SORCS1: variants seen among roughly 807,000 people sequenced by gnomAD.
SORCS1 encodes the protein sortilin related VPS10 domain containing receptor 1.
A neutral mutation model predicts 146.1 loss-of-function variants in SORCS1; 60 were observed. The observed-to-expected ratio is 0.41, with a 90% CI of 0.33 to 0.51. The LOEUF (loss-of-function observed/expected upper bound fraction) is 0.51, where lower values mean the gene tolerates loss of function less well. Among genes scored for constraint, SORCS1 ranks in the 20% least tolerant of loss-of-function variants. The probability of loss-of-function intolerance (pLI) is 0.21; values close to 1 mark genes in which losing one functional copy is unlikely to be tolerated. For synonymous variants in SORCS1, 637 were observed against 584.0 expected (o/e 1.09, Z -1.31); for missense variants, 1,352 against 1,487.6 (o/e 0.91, Z 1.50).
chr10:106,698,223 G>A (rs1029551786), intron 9 of SORCS1, among the ~76,000 whole-genome samples: 3 of 152,180 alleles, frequency 2.0e-5, no homozygotes, highest in Non-Finnish European at 4.4e-5. Context: ...TACAATGATA[G>A]GTTAAAATTT....
intron 18 of SORCS1, among the ~76,000 whole-genome samples, chr10:106,648,900 A>G (rs1849651572): frequency 6.6e-6 from 1 of 151,964 alleles, no homozygotes; most frequent in Admixed American, 6.6e-5. Flanking sequence ...TAGCAAGCAG[A>G]CACACAGGCA....
intron 1 of SORCS1, among the ~76,000 whole-genome samples, chr10:107,069,718 C>G (rs6584789): frequency 0.14 from 21,220 of 152,088 alleles, 1,749 homozygotes; most frequent in South Asian, 0.18. Context: ...TAGATAAATT[C>G]GTTTTTGTTT....
chr10:107,059,536 A>T (rs1451724756), intron 1 of SORCS1, among the ~76,000 whole-genome samples: 1 of 152,210 alleles, frequency 6.6e-6, no homozygotes, highest in Non-Finnish European at 1.5e-5. Context: ...CCAGTAAAAC[A>T]AGAAGCCCAG....
rs545561957 is a variant in SORCS1 at position 106,941,625 on chromosome 10, A to G, written c.626+14888T>C. Among the ~76,000 whole-genome samples, 23 of 152,374 alleles carry G rather than the reference A, an allele frequency of 1.5e-4. No homozygotes were observed. In the South Asian group the frequency reaches 4.3e-3, roughly 29 times the overall value. On this transcript the variant is annotated intron_variant, in intron 2 of 25. Coordinates refer to ENST00000263054, the MANE Select transcript of SORCS1 (RefSeq NM_052918.5). ...TAAGTGAAATGAACAATACCAAGGA[A>G]TGTGGCTCCCAGTAGGAGAGGGATT...
At chr10:106,726,649 C>T (rs1209762413) in intron 6 of SORCS1, among the ~76,000 whole-genome samples, 1 of 152,116 alleles carries the variant, frequency 6.6e-6, no homozygotes, top group Non-Finnish European at 1.5e-5. Context: ...GCTACCAATT[C>T]CATCCAGAGC....
intron 5 of SORCS1, among the ~76,000 whole-genome samples, chr10:106,734,965 G>A (rs1279322581): frequency 6.6e-6 from 1 of 151,938 alleles, no homozygotes; most frequent in Non-Finnish European, 1.5e-5. Context: ...GGCCAACATG[G>A]CAAAACCCCG....
At chr10:106,878,316 G>A (rs1005015403) in intron 2 of SORCS1, among the ~76,000 whole-genome samples, 2 of 151,662 alleles carry the variant, frequency 1.3e-5, no homozygotes, top group Admixed American at 6.6e-5. Context: ...AGGGGGCCTG[G>A]GAATATGCTA....
At chr10:106,800,618 T>A (rs1226322416) in intron 3 of SORCS1, among the ~76,000 whole-genome samples, 1 of 150,468 alleles carries the variant, frequency 6.6e-6, no homozygotes, top group Non-Finnish European at 1.5e-5. Flanking sequence ...ACCTCCCGGG[T>A]TCATGCCATT....
At chr10:106,922,814 C>T (rs1952778886) in intron 2 of SORCS1, among the ~76,000 whole-genome samples, 1 of 152,074 alleles carries the variant, frequency 6.6e-6, no homozygotes. Context: ...AGAATAGTTT[C>T]GCTACCCTGG....
intron 2 of SORCS1, among the ~76,000 whole-genome samples, chr10:106,862,567 G>A (rs943883778): frequency 2.0e-5 from 3 of 151,630 alleles, no homozygotes; most frequent in Non-Finnish European, 4.4e-5. Context: ...TTTCACCCCC[G>A]ACCCAACACA....
intron 6 of SORCS1, among the ~76,000 whole-genome samples, chr10:106,728,729 G>A (rs1406561336): frequency 6.6e-6 from 1 of 152,214 alleles, no homozygotes; most frequent in Non-Finnish European, 1.5e-5. Flanking sequence ...GTTCAGAAGA[G>A]CCAAGGACTG....
At chr10:106,705,249 T>G (rs2135793940) in intron 8 of SORCS1, among the ~76,000 whole-genome samples, 1 of 152,322 alleles carries the variant, frequency 6.6e-6, no homozygotes, top group South Asian at 2.1e-4. Flanking sequence ...CTATAGTTCT[T>G]TCAAGTTAAT....
chr10:106,871,301 A>C (rs954706674), intron 2 of SORCS1, among the ~76,000 whole-genome samples: 1 of 152,182 alleles, frequency 6.6e-6, no homozygotes, highest in Non-Finnish European at 1.5e-5. Flanking sequence ...GCGATTCCTC[A>C]AAGAGCTAAA....
intron 18 of SORCS1, among the ~76,000 whole-genome samples, chr10:106,651,219 T>C (rs1849837450): frequency 1.3e-5 from 2 of 152,218 alleles, no homozygotes; most frequent in Admixed American, 6.5e-5. Context: ...ACAGTTATTT[T>C]TCCTATGAGA....
chr10:106,654,512 T>C (rs1850128375), intron 17 of SORCS1, among the ~76,000 whole-genome samples: 1 of 152,222 alleles, frequency 6.6e-6, no homozygotes, highest in African/African-American at 2.4e-5. Flanking sequence ...TTCTTCCTGG[T>C]GTGACTGTGT....
At chr10:107,141,485 A>G (rs187461045) in intron 1 of SORCS1, among the ~76,000 whole-genome samples, 60 of 152,136 alleles carry the variant, frequency 3.9e-4, no homozygotes, top group African/African-American at 1.4e-3. Flanking sequence ...GGTAGTAGTT[A>G]TGTAACACAG....
chr10:106,648,806 C>T (rs1849643595), intron 18 of SORCS1, among the ~76,000 whole-genome samples: 1 of 152,022 alleles, frequency 6.6e-6, no homozygotes, highest in South Asian at 2.1e-4. Flanking sequence ...GGCCCTCCTG[C>T]CTTTGCACCC....
Position 106,652,391 on chromosome 10 carries a change from T to G in SORCS1, c.2466A>C (p.Gln822His). 6.2e-7 allele frequency: 1 copy of G among 1,613,964 alleles called. No homozygotes were observed. Among genetic ancestry groups the G allele is most frequent in the Non-Finnish European group, 8.5e-7 (1 of 1,179,850 alleles). ...TAGGAATCAGTCCTACCTCTTCTAA[T>G]TGCACCATGAGAGTGACGTTGTGTC... Reference protein sequence around the residue: ...EQGHNVTLMVQLEEGDVQRTL... With the variant: ...EQGHNVTLMVHLEEGDVQRTL... Residue 822 changes from glutamine to histidine, a missense_variant, in exon 18 of 26, where the codon CAA becomes CAC. Physicochemically the swap from Gln to His is conservative, Grantham distance 24. Coordinates refer to ENST00000263054, the MANE Select transcript of SORCS1 (RefSeq NM_052918.5).
intron 2 of SORCS1, among the ~76,000 whole-genome samples, chr10:106,895,947 G>A (rs1323044334): frequency 2.5e-5 from 3 of 119,304 alleles, no homozygotes; most frequent in Non-Finnish European, 5.1e-5. Context: ...ATATGTGTGT[G>A]TGTGTATATA....
Sources: gnomAD v4.1 joint callset for allele counts (sites outside exome capture counted in the v4.1 genomes callset) on GRCh38, gnomAD v4.1.1 for gene constraint, MANE v1.5 for transcripts, NCBI Gene and HGNC (gene_info 2026-07-23, HGNC 2026-07-21) for gene names.